The following PTPRN2 variants were observed in gnomAD, a reference collection of about 807,000 sequenced individuals.
PTPRN2 encodes the protein receptor-type tyrosine-protein phosphatase N2.
PTPRN2 carries 74 observed loss-of-function variants against 118.8 expected under a neutral mutation model. That is an observed-to-expected ratio of 0.62 (90% CI 0.52 to 0.76). PTPRN2 has a LOEUF of 0.76. Ranked by LOEUF, PTPRN2 falls within the 30% of genes least tolerant of loss-of-function variation. The pLI is 0.00. For synonymous variants in PTPRN2, 641 were observed against 608.0 expected, an observed-to-expected ratio of 1.05 and a Z score of -0.80; for missense variants, 1,481 against 1,394.4, an observed-to-expected ratio of 1.06 and a Z score of -0.99.
chr7:158,216,074 T>C (rs957368648), intron 3 of PTPRN2, among the ~76,000 whole-genome samples: 2 of 152,070 alleles, frequency 1.3e-5, no homozygotes, highest in Non-Finnish European at 2.9e-5. Flanking sequence ...ACAATTATAA[T>C]ATAAATGAGG....
chr7:158,170,699 G>C (rs754380401), intron 5 of PTPRN2, among the ~76,000 whole-genome samples: 3 of 152,158 alleles, frequency 2.0e-5, no homozygotes, highest in African/African-American at 7.2e-5. Context: ...AACCAAGAGG[G>C]CCTGAGAGTT....
intron 3 of PTPRN2, among the ~76,000 whole-genome samples, chr7:158,251,083 T>A (rs1436073441): frequency 6.6e-6 from 1 of 152,200 alleles, no homozygotes; most frequent in African/African-American, 2.4e-5. Context: ...CATGAAATCC[T>A]AATGCATAGA....
At chr7:157,890,350 T>C (rs1796725863) in intron 12 of PTPRN2, among the ~76,000 whole-genome samples, 1 of 152,172 alleles carries the variant, frequency 6.6e-6, no homozygotes, top group Non-Finnish European at 1.5e-5. Flanking sequence ...ATCTTAAAAA[T>C]AAGACTTCAG....
chr7:158,199,603 T>G (rs965069733), intron 4 of PTPRN2, among the ~76,000 whole-genome samples: 3 of 152,248 alleles, frequency 2.0e-5, no homozygotes, highest in Non-Finnish European at 4.4e-5. Flanking sequence ...AGCTACTATG[T>G]CACTGGCCCA....
chr7:157,692,647 G>C (rs757487589), intron 12 of PTPRN2, among the ~76,000 whole-genome samples: 1 of 152,222 alleles, frequency 6.6e-6, no homozygotes, highest in East Asian at 1.9e-4. Context: ...GCCTCGCATC[G>C]GGCCATGGTT....
Position 158,438,372 on chromosome 7 carries a change from AAAAG to A in PTPRN2, c.163+51359_163+51362del, listed in dbSNP as rs1479076746. ...GAGTGGGACTCCATCTCAAAAAAAA[AAAAG>A]AAAAAGTTTTATTTTATTTTTAATT... On this transcript the variant is annotated intron_variant, in intron 2 of 22. Transcript: ENST00000389418. The surrounding 1 kb of genome is among the most constrained non-coding windows in gnomAD (Gnocchi z 4.7). Among the ~76,000 whole-genome samples, 1 of 152,226 alleles carries A rather than the reference AAAAG, an allele frequency of 6.6e-6. No homozygotes were observed. Among genetic ancestry groups the A allele is most frequent in the African/African-American group, 2.4e-5 (1 of 41,474 alleles).
Position 157,724,656 on chromosome 7 carries a change from C to T in PTPRN2, c.1789-41719G>A, listed in dbSNP as rs138382636. Among the ~76,000 whole-genome samples, 92 of 152,238 alleles carry T rather than the reference C, an allele frequency of 6.0e-4. 1 individual carries two copies. Among genetic ancestry groups the T allele is most frequent in the Admixed American group, 2.3e-3 (35 of 15,290 alleles). The stretch of plus-strand genomic sequence containing the variant: ...ACACTCATGCAAGCCTGCAGCTGGG[C>T]GAAACCATCTCTCACAAAGCCTGTT... On this transcript the variant is annotated intron_variant, in intron 12 of 22. Transcript: ENST00000389418.
chr7:158,424,431 G>C (rs1299422754), intron 2 of PTPRN2, among the ~76,000 whole-genome samples: 3 of 152,204 alleles, frequency 2.0e-5, no homozygotes, highest in Non-Finnish European at 4.4e-5. Context: ...CGGGGGCCGA[G>C]TGAACATCAC....
At chr7:157,778,651 C>T (rs1302496382) in intron 12 of PTPRN2, among the ~76,000 whole-genome samples, 2 of 151,736 alleles carry the variant, frequency 1.3e-5, no homozygotes, top group East Asian at 3.9e-4. Flanking sequence ...CACATGAATA[C>T]AGGCACTGGA....
intron 2 of PTPRN2, among the ~76,000 whole-genome samples, chr7:158,464,044 C>A (rs1819215551): frequency 2.1e-5 from 1 of 47,882 alleles, no homozygotes; most frequent in African/African-American, 7.5e-5. Flanking sequence ...CCATCATTGC[C>A]ATGCCATTTA....
At chr7:158,500,041 A>T (rs539882154) in intron 1 of PTPRN2, among the ~76,000 whole-genome samples, 2 of 152,060 alleles carry the variant, frequency 1.3e-5, no homozygotes, top group South Asian at 4.2e-4. Flanking sequence ...GCTAAAAAAA[A>T]AAAAAAAAAA....
At chr7:157,754,721 T>C (rs910329938) in intron 12 of PTPRN2, among the ~76,000 whole-genome samples, 12 of 152,202 alleles carry the variant, frequency 7.9e-5, no homozygotes, top group Non-Finnish European at 1.5e-4. Flanking sequence ...CATGCGTGTT[T>C]TCTTTGTAGT....
At chr7:158,091,192 T>C (rs780299974) in intron 10 of PTPRN2, among the ~76,000 whole-genome samples, 1 of 152,246 alleles carries the variant, frequency 6.6e-6, no homozygotes, top group Non-Finnish European at 1.5e-5. Context: ...CACATTTGAC[T>C]ACAGTTTTCT....
In PTPRN2 at chr7:157,875,734, G is replaced by A. The variant is rs1395744570; in HGVS notation, c.1788+22939C>T. ...AGTCCCCAGGTCAGGCATCCCCAGGGGGGCACGGGGCTGCAGAGGGTCAGG... is the reference window on the plus strand; with the variant it reads ...AGTCCCCAGGTCAGGCATCCCCAGGAGGGCACGGGGCTGCAGAGGGTCAGG... On this transcript the variant is annotated intron_variant, in intron 12 of 22. Transcript: ENST00000389418. Among the ~76,000 whole-genome samples the A allele has an allele frequency of 1.4e-5, 2 of 146,538 alleles. 1 individual carries two copies. Among genetic ancestry groups the A allele is most frequent in the African/African-American group, 5.0e-5 (2 of 39,684 alleles).
intron 3 of PTPRN2, among the ~76,000 whole-genome samples, chr7:158,251,601 T>C (rs551205087): frequency 1.4e-4 from 20 of 142,436 alleles, no homozygotes; most frequent in Admixed American, 4.9e-4. Context: ...CTATGGTGCA[T>C]GTGGGGCGTG....
At chr7:157,580,301 A>C (rs535417684) in intron 17 of PTPRN2, among the ~76,000 whole-genome samples, 5 of 152,262 alleles carry the variant, frequency 3.3e-5, no homozygotes, top group African/African-American at 1.2e-4. Flanking sequence ...TTTAATCTTA[A>C]TGCAGTTCAT....
Position 157,764,954 on chromosome 7 carries a change from TCCAC to T in PTPRN2, c.1789-82021_1789-82018del, listed in dbSNP as rs747272034. The stretch of plus-strand genomic sequence containing the variant: ...ATATCCATCCATCCATATCCATCCA[TCCAC>T]CCACCCACCCATCCATCTACCCATC... On this transcript the variant is annotated intron_variant, in intron 12 of 22. Coordinates refer to ENST00000389418, the MANE Select transcript of PTPRN2 (RefSeq NM_002847.5). This position sits in a 1 kb window ranked among gnomAD's most constrained non-coding sequence, Gnocchi z 4.5. 4.2e-4 allele frequency among the ~76,000 whole-genome samples: 62 copies of T among 148,336 alleles called. No individual in the cohort carries two copies. Among genetic ancestry groups the T allele is most frequent in the Admixed American group, 1.1e-3 (17 of 14,926 alleles).
intron 1 of PTPRN2, among the ~76,000 whole-genome samples, chr7:158,513,731 A>G (rs1252832565): frequency 6.6e-6 from 1 of 152,260 alleles, no homozygotes; most frequent in African/African-American, 2.4e-5. Context: ...GTTTTAAAAA[A>G]CAAGATGTAA....
intron 3 of PTPRN2, among the ~76,000 whole-genome samples, chr7:158,239,919 C>T (rs146634676): frequency 4.6e-5 from 7 of 152,218 alleles, no homozygotes; most frequent in East Asian, 1.9e-4. Flanking sequence ...GTAGATGACA[C>T]GTTGAGGGTG....
Sources: allele counts gnomAD v4.1 joint callset (sites outside exome capture counted in the v4.1 genomes callset), GRCh38; gene constraint gnomAD v4.1.1; non-coding constraint Gnocchi (gnomAD v3.1); transcripts MANE v1.5; gene names NCBI Gene and HGNC (gene_info 2026-07-23, HGNC 2026-07-21).